The following INPP5B variants were observed in gnomAD, a reference collection of about 807,000 sequenced individuals.
The protein encoded by INPP5B is type II inositol 1,4,5-trisphosphate 5-phosphatase.
Under a neutral mutation model 118.5 loss-of-function variants are expected in INPP5B, and 90 were observed. The ratio of observed to expected loss-of-function variants is 0.76; its 90% CI spans 0.64 to 0.90. The LOEUF is 0.90. Ranked by LOEUF, INPP5B falls within the 40% of genes least tolerant of loss-of-function variation. The pLI, the probability that INPP5B is intolerant of heterozygous loss-of-function variation, is 0.00. For synonymous variants in INPP5B, 385 were observed against 418.9 expected (o/e 0.92, Z 0.99); for missense variants, 984 against 1,125.6 (o/e 0.87, Z 1.80).
intron 6 of INPP5B, among the ~76,000 whole-genome samples, chr1:37,939,538 G>C (rs1043380427): frequency 2.7e-5 from 4 of 150,160 alleles, no homozygotes; most frequent in African/African-American, 9.7e-5. Flanking sequence ...TCCGCCTCCT[G>C]GGTTTATGCC....
At chr1:37,883,490 G>T (rs1355448334) in intron 13 of INPP5B, 5 of 985,276 alleles carry the variant, frequency 5.1e-6, no homozygotes, top group Non-Finnish European at 6.0e-6. Flanking sequence ...GCTGCTTTGG[G>T]AAAAAGCTAA....
At position 37,866,385 on chromosome 1, in the gene INPP5B, T is replaced by TTCTCTCTCTCTC. The variant is rs57019964; in HGVS notation, c.2386+62_2386+73dup. The TTCTCTCTCTCTC allele has an allele frequency of 2.2e-4, 132 of 606,492 alleles. 1 individual carries two copies. Among genetic ancestry groups the TTCTCTCTCTCTC allele is most frequent in the South Asian group, 2.1e-4 (11 of 51,420 alleles). The allele number at this position is 606,492 out of a possible 1,614,324, so 37.6% of individuals were successfully genotyped here. A position where few individuals can be genotyped will look rare whatever the true frequency, so the allele number is the denominator to read the frequency against. ...CTTTTTCTCACCCCTCTCACTCATATTCTCTCTCTCTCTCTCTCTCTCACA... is the reference window on the plus strand; with the variant it reads ...CTTTTTCTCACCCCTCTCACTCATATTCTCTCTCTCTCTCTCTCTCTCTCTCTCTCTCTCACA... On this transcript the variant is annotated intron_variant, in intron 21 of 23. Transcript: ENST00000373024.
chr1:37,863,878 G>A (rs1239677036), intron 23 of INPP5B, among the ~76,000 whole-genome samples: 6 of 149,258 alleles, frequency 4.0e-5, no homozygotes, highest in African/African-American at 7.4e-5. Context: ...GCAGTGGTGC[G>A]GTCTCGGGTC....
intron 6 of INPP5B, 28 bp downstream of exon 6, chr1:37,940,660 C>T (rs755615672): frequency 7.2e-6 from 10 of 1,396,488 alleles, no homozygotes; most frequent in South Asian, 1.2e-5. Context: ...AACCCACCCA[C>T]CCCCAGGGAG....
chr1:37,929,529 G>T (rs1305287400), intron 7 of INPP5B: 2 of 151,942 alleles, frequency 1.3e-5, no homozygotes, highest in Non-Finnish European at 2.9e-5. Context: ...TGTTTCCCTT[G>T]GGGCCTGTAT....
At chr1:37,946,504 T>A (rs1349747079) in intron 1 of INPP5B, among the ~76,000 whole-genome samples, 170 bp from the exon 2 acceptor site, 1 of 152,086 alleles carries the variant, frequency 6.6e-6, no homozygotes, top group Non-Finnish European at 1.5e-5. Context: ...GAATAGGCCT[T>A]TCAGTTTTTA....
At position 37,908,622 on chromosome 1, in the gene INPP5B, G is replaced by A. The variant is rs536890491; in HGVS notation, c.533-17168C>T. The stretch of plus-strand genomic sequence containing the variant: ...AGAGACAAGGAGACACATTTTATCC[G>A]TGGACCCAAAACTCTGGCGCCAGTC... On this transcript the variant is annotated intron_variant, in intron 7 of 23. Transcript: ENST00000373024. Among the ~76,000 whole-genome samples the A allele has an allele frequency of 7.9e-5, 12 of 151,202 alleles. No individual in the cohort carries two copies. In the South Asian group the frequency reaches 1.5e-3, roughly 18 times the overall value.
At position 37,932,016 on chromosome 1, in the gene INPP5B, C is replaced by G. The variant is rs751030677; in HGVS notation, c.429G>C (p.Trp143Cys). 7 of 1,605,626 alleles carry G rather than the reference C, an allele frequency of 4.4e-6. No homozygotes were observed. Among genetic ancestry groups the G allele is most frequent in the Non-Finnish European group, 6.0e-6 (7 of 1,174,846 alleles). ...DSATRDPEFL[W>C]LSRYRCAELE... The stretch of plus-strand genomic sequence containing the variant: ...GCTCTGCGCACCTATACCGAGACAG[C>G]CACAGGAATTCAGGATCCCGGGTCG... The change falls in exon 7 of 24, where the codon TGG (tryptophan) becomes TGC (cysteine). Residue 143 changes from tryptophan (W) to cysteine (C), a missense_variant. Physicochemically the swap from Trp to Cys is radical, Grantham distance 215. Coordinates refer to ENST00000373024, the MANE Select transcript of INPP5B (RefSeq NM_005540.3).
chr1:37,943,116 T>C (rs1400214591), intron 5 of INPP5B, among the ~76,000 whole-genome samples: 1 of 151,970 alleles, frequency 6.6e-6, no homozygotes, highest in Non-Finnish European at 1.5e-5. Context: ...TTCTCCTGCC[T>C]CAGCCTCTCG....
chr1:37,943,994 C>G, intron 3 of INPP5B, 101 bp from the exon 4 acceptor site: 1 of 825,114 alleles, frequency 1.2e-6, no homozygotes, highest in Non-Finnish European at 2.1e-6. Context: ...TGGTCCCTAA[C>G]ACTGTGCTGG....
intron 5 of INPP5B, 53 bp from the exon 6 acceptor site, chr1:37,940,851 G>C: frequency 2.4e-6 from 3 of 1,268,068 alleles, no homozygotes; most frequent in Non-Finnish European, 2.3e-6. Flanking sequence ...CTAAGTGCTT[G>C]ATGCAGCCTA....
At chr1:37,902,175 C>T (rs1644357185) in intron 7 of INPP5B, among the ~76,000 whole-genome samples, 4 of 151,696 alleles carry the variant, frequency 2.6e-5, no homozygotes, top group Admixed American at 2.6e-4. Flanking sequence ...TTAGTAGAAA[C>T]GGGGTTTCAC....
chr1:37,875,320 G>A (rs1357962499), intron 17 of INPP5B, among the ~76,000 whole-genome samples: 1 of 152,094 alleles, frequency 6.6e-6, no homozygotes, highest in Non-Finnish European at 1.5e-5. Context: ...CCAGGCTAGA[G>A]TGCAGTGGCG....
chr1:37,911,408 A>C (rs1644693926), intron 7 of INPP5B, among the ~76,000 whole-genome samples: 1 of 152,102 alleles, frequency 6.6e-6, no homozygotes, highest in African/African-American at 2.4e-5. Context: ...TCTCTGATCC[A>C]CCTGACATTC....
intron 14 of INPP5B, among the ~76,000 whole-genome samples, chr1:37,881,648 A>G (rs1045061003): frequency 1.8e-4 from 27 of 152,268 alleles, no homozygotes; most frequent in Non-Finnish European, 8.8e-5. Context: ...AATGGGTACA[A>G]CTACTTCAGG....
At chr1:37,898,684 ACT>A (rs1406270407) in intron 7 of INPP5B, among the ~76,000 whole-genome samples, 3 of 149,296 alleles carry the variant, frequency 2.0e-5, no homozygotes, top group Admixed American at 6.7e-5. Flanking sequence ...GAAAGGTGAG[ACT>A]CTGTCTCAAA....
Position 37,891,314 on chromosome 1 carries a change from A to G in INPP5B, c.629+44T>C, listed in dbSNP as rs903998511. ...AAAATGGTCTCAGTACTGTGAGGAG[A>G]ACCTCAGTCCTACAAGGGACAAGTG... On this transcript the variant is annotated intron_variant, in intron 8 of 23. Transcript: ENST00000373024. 7 of 1,405,018 alleles carry G rather than the reference A, an allele frequency of 5.0e-6. No homozygotes were observed. In the African/African-American group the frequency reaches 5.7e-5, roughly 11 times the overall value. 87.0% of individuals were successfully genotyped at this position (1,405,018 alleles called of 1,614,324 possible). A position where few individuals can be genotyped will look rare whatever the true frequency, so the allele number is the denominator to read the frequency against.
At chr1:37,893,526 G>A (rs1570139750) in intron 7 of INPP5B, among the ~76,000 whole-genome samples, 2 of 152,210 alleles carry the variant, frequency 1.3e-5, no homozygotes, top group East Asian at 3.9e-4. Flanking sequence ...TATCCCCAGT[G>A]TCACTGTGCT....
intron 5 of INPP5B, 131 bp downstream of exon 5, chr1:37,943,509 G>T: frequency 1.1e-6 from 1 of 903,988 alleles, no homozygotes; most frequent in Non-Finnish European, 1.7e-6. Context: ...GATGGGCTGT[G>T]CCAGATCCTA....
Sources: allele counts gnomAD v4.1 joint callset (sites outside exome capture counted in the v4.1 genomes callset), GRCh38; gene constraint gnomAD v4.1.1; transcripts MANE v1.5; gene names NCBI Gene and HGNC (gene_info 2026-07-23, HGNC 2026-07-21).